PITPNC1: variants seen among roughly 807,000 people sequenced by gnomAD.
PITPNC1 encodes the protein cytoplasmic phosphatidylinositol transfer protein 1.
A neutral mutation model predicts 44.7 loss-of-function variants in PITPNC1; 18 were observed. The ratio of observed to expected loss-of-function variants is 0.40; its 90% CI spans 0.28 to 0.60. The LOEUF (loss-of-function observed/expected upper bound fraction) is 0.60, where lower values mean the gene tolerates loss of function less well. Among genes scored for constraint, PITPNC1 ranks in the 20% least tolerant of loss-of-function variants. The probability of loss-of-function intolerance (pLI) is 0.39; values close to 1 mark genes in which losing one functional copy is unlikely to be tolerated. For synonymous variants in PITPNC1, 141 were observed against 149.6 expected, an observed-to-expected ratio of 0.94 and a Z score of 0.42; for missense variants, 290 against 418.4, an observed-to-expected ratio of 0.69 and a Z score of 2.68.
At chr17:67,653,702 G>A (rs1175579782) in intron 6 of PITPNC1, among the ~76,000 whole-genome samples, 2 of 124,524 alleles carry the variant, frequency 1.6e-5, no homozygotes, top group Non-Finnish European at 1.7e-5. Flanking sequence ...CCAAGGTGTT[G>A]CAGATCTCAT....
chr17:67,561,793 G>A (rs748142938), intron 4 of PITPNC1, among the ~76,000 whole-genome samples: 12 of 152,108 alleles, frequency 7.9e-5, no homozygotes, highest in African/African-American at 1.2e-4. Context: ...GCAGGTTTTC[G>A]CTATGTTGCC....
chr17:67,626,273 G>A (rs895901087), intron 5 of PITPNC1, among the ~76,000 whole-genome samples: 5 of 152,002 alleles, frequency 3.3e-5, no homozygotes, highest in Admixed American at 2.6e-4. Context: ...GGGATGAGCC[G>A]CTGTTCCCAG....
At chr17:67,394,271 C>T (rs1276504415) in intron 1 of PITPNC1, among the ~76,000 whole-genome samples, 7 of 152,132 alleles carry the variant, frequency 4.6e-5, no homozygotes, top group Non-Finnish European at 1.0e-4. Flanking sequence ...TCAAGTGATC[C>T]TCCCGCCTTA....
chr17:67,406,901 T>TA (rs2143833007), intron 1 of PITPNC1, among the ~76,000 whole-genome samples: 1 of 152,332 alleles, frequency 6.6e-6, no homozygotes, highest in African/African-American at 2.4e-5. Flanking sequence ...GGCTTAATAA[T>TA]ATTTGATTGT....
chr17:67,650,550 G>A (rs2042198997), intron 6 of PITPNC1, among the ~76,000 whole-genome samples: 1 of 143,080 alleles, frequency 7.0e-6, no homozygotes, highest in Non-Finnish European at 1.5e-5. Context: ...TCGGGTTTAA[G>A]CGATTCTCCT....
At chr17:67,576,886 A>G (rs2041156932) in intron 4 of PITPNC1, among the ~76,000 whole-genome samples, 1 of 152,206 alleles carries the variant, frequency 6.6e-6, no homozygotes, top group Non-Finnish European at 1.5e-5. Context: ...TTTTATTAAT[A>G]TTTAACCCTC....
chr17:67,575,348 G>A (rs1415966612), intron 4 of PITPNC1, among the ~76,000 whole-genome samples: 1 of 152,042 alleles, frequency 6.6e-6, no homozygotes, highest in Non-Finnish European at 1.5e-5. Context: ...CAGCGGTTAT[G>A]GAGTGAGAAG....
chr17:67,540,920 A>T (rs1196928414), intron 2 of PITPNC1, among the ~76,000 whole-genome samples: 1 of 152,316 alleles, frequency 6.6e-6, no homozygotes, highest in Admixed American at 6.5e-5. Context: ...TGATAACTCT[A>T]AAAGACTGAG....
At chr17:67,496,185 G>C (rs1001460297) in intron 1 of PITPNC1, among the ~76,000 whole-genome samples, 5 of 152,062 alleles carry the variant, frequency 3.3e-5, no homozygotes, top group African/African-American at 1.2e-4. Context: ...CTTAAGATGG[G>C]AAAAAAGAAC....
intron 5 of PITPNC1, among the ~76,000 whole-genome samples, chr17:67,580,733 T>C (rs1054595505): frequency 2.0e-5 from 3 of 152,190 alleles, no homozygotes; most frequent in Non-Finnish European, 4.4e-5. Context: ...ATGAGTTTAT[T>C]CAAAACAGCT....
At chr17:67,631,053 GTTATTATTATTATTA>G (rs56142240) in intron 5 of PITPNC1, among the ~76,000 whole-genome samples, 10 of 127,768 alleles carry the variant, frequency 7.8e-5, no homozygotes, top group South Asian at 2.6e-4. Context: ...TGTTGTTGTT[GTTATTATTATTATTA>G]TTATTATTAT....
chr17:67,587,315 C>T (rs2041331837), intron 5 of PITPNC1, among the ~76,000 whole-genome samples: 2 of 150,650 alleles, frequency 1.3e-5, no homozygotes, highest in Admixed American at 6.6e-5. Context: ...GTTGAGACCC[C>T]CATCTCTACA....
chr17:67,647,055 C>T (rs1021699083), intron 6 of PITPNC1, among the ~76,000 whole-genome samples: 1 of 152,102 alleles, frequency 6.6e-6, no homozygotes, highest in Non-Finnish European at 1.5e-5. Flanking sequence ...ATATATCTTC[C>T]CAACCCCGAG....
chr17:67,435,603 C>T (rs536797564), intron 1 of PITPNC1, among the ~76,000 whole-genome samples: 7 of 152,212 alleles, frequency 4.6e-5, no homozygotes, highest in Non-Finnish European at 1.0e-4. Context: ...CCTGTAATCT[C>T]AGCACTTTGG....
intron 1 of PITPNC1, among the ~76,000 whole-genome samples, chr17:67,423,729 G>T (rs1224612287): frequency 6.6e-6 from 1 of 152,144 alleles, no homozygotes; most frequent in Non-Finnish European, 1.5e-5. Flanking sequence ...ATGGAAGAAA[G>T]TTGCTAAAGA....
chr17:67,590,410 T>C (rs371368310), intron 5 of PITPNC1, among the ~76,000 whole-genome samples: 2 of 152,296 alleles, frequency 1.3e-5, no homozygotes, highest in East Asian at 3.9e-4. Flanking sequence ...AATAAGTTTG[T>C]TTCTTACTGT....
intron 1 of PITPNC1, among the ~76,000 whole-genome samples, chr17:67,431,667 G>T (rs193064914): frequency 7.9e-5 from 12 of 152,240 alleles, no homozygotes; most frequent in South Asian, 2.1e-4. Context: ...AAAAGAGACT[G>T]GTTTCTGTGG....
chr17:67,661,041 T>G (rs1399803408), intron 6 of PITPNC1, among the ~76,000 whole-genome samples: 14 of 150,308 alleles, frequency 9.3e-5, no homozygotes, highest in Non-Finnish European at 1.6e-4. Flanking sequence ...TTTTTTTTTT[T>G]TTGTATTTTT....
intron 5 of PITPNC1, among the ~76,000 whole-genome samples, chr17:67,615,456 G>A (rs1462171965): frequency 2.0e-5 from 3 of 152,080 alleles, no homozygotes; most frequent in South Asian, 2.1e-4. Flanking sequence ...CTTGTCTTTC[G>A]ATGCCTCGTG....
Sources: allele counts gnomAD v4.1 joint callset (sites outside exome capture counted in the v4.1 genomes callset), GRCh38; gene constraint gnomAD v4.1.1; transcripts MANE v1.5; gene names NCBI Gene and HGNC (gene_info 2026-07-23, HGNC 2026-07-21).